The following SPIDR variants were observed in gnomAD, a reference collection of about 807,000 sequenced individuals.
SPIDR encodes the protein scaffold protein involved in DNA repair, also known as DNA repair-scaffolding protein.
Under a neutral mutation model 104.6 loss-of-function variants are expected in SPIDR, and 93 were observed. The observed-to-expected ratio is 0.89, with a 90% CI of 0.75 to 1.06. SPIDR has a LOEUF of 1.06. SPIDR is among the 50% of genes least tolerant of loss of function. The pLI is 0.00. For missense variants in SPIDR, 1,154 were observed against 1,111.2 expected, an observed-to-expected ratio of 1.04 and a Z score of -0.55; for synonymous variants, 431 against 416.9, an observed-to-expected ratio of 1.03 and a Z score of -0.41.
intron 8 of SPIDR, among the ~76,000 whole-genome samples, chr8:47,530,250 T>C (rs979562685): frequency 3.9e-5 from 6 of 152,150 alleles, no homozygotes; most frequent in African/African-American, 1.2e-4. Flanking sequence ...GGCAGATAAC[T>C]TGAGGCCAGG....
At chr8:47,667,535 AG>A (rs1178617020) in intron 10 of SPIDR, among the ~76,000 whole-genome samples, 3 of 151,942 alleles carry the variant, frequency 2.0e-5, no homozygotes, top group African/African-American at 7.3e-5. Context: ...CTTGAGAGAA[AG>A]GCTGCAAACT....
At chr8:47,548,616 C>T (rs539735515) in intron 8 of SPIDR, among the ~76,000 whole-genome samples, 1 of 152,280 alleles carries the variant, frequency 6.6e-6, no homozygotes, top group East Asian at 1.9e-4. Flanking sequence ...CCACTGCACT[C>T]CGGCCTGGGC....
At chr8:47,569,709 A>G (rs1447031160) in intron 8 of SPIDR, among the ~76,000 whole-genome samples, 1 of 152,200 alleles carries the variant, frequency 6.6e-6, no homozygotes, top group Non-Finnish European at 1.5e-5. Context: ...AATTTTCTCT[A>G]TTCACAGATG....
At chr8:47,557,987 T>C (rs1211687766) in intron 8 of SPIDR, among the ~76,000 whole-genome samples, 1 of 152,064 alleles carries the variant, frequency 6.6e-6, no homozygotes, top group Admixed American at 6.6e-5. Context: ...AAAAATGAAA[T>C]CGATGGCCTT....
intron 7 of SPIDR, among the ~76,000 whole-genome samples, chr8:47,429,474 T>C (rs540798378): frequency 1.3e-5 from 2 of 152,370 alleles, no homozygotes; most frequent in East Asian, 3.9e-4. Flanking sequence ...TAATGGTTTG[T>C]TTGTAACTAT....
intron 7 of SPIDR, among the ~76,000 whole-genome samples, chr8:47,431,966 T>A (rs1554689618): frequency 6.6e-6 from 1 of 152,222 alleles, no homozygotes; most frequent in Non-Finnish European, 1.5e-5. Flanking sequence ...GATATTATAA[T>A]CAGGATCTCC....
At chr8:47,278,096 C>CTTTTTTTTTTTT (rs71225674) in intron 1 of SPIDR, among the ~76,000 whole-genome samples, 1 of 137,268 alleles carries the variant, frequency 7.3e-6, no homozygotes, top group Non-Finnish European at 1.6e-5. Flanking sequence ...TTTTCTTTCT[C>CTTTTTTTTTTTT]TTTTTTTTTT....
intron 5 of SPIDR, among the ~76,000 whole-genome samples, chr8:47,327,378 G>A (rs986924727): frequency 6.6e-6 from 1 of 150,810 alleles, no homozygotes; most frequent in African/African-American, 2.4e-5. Flanking sequence ...ATATTCAGTA[G>A]GTGGTTTTTT....
chr8:47,299,062 G>A (rs1375022133), intron 5 of SPIDR, among the ~76,000 whole-genome samples: 7 of 150,886 alleles, frequency 4.6e-5, no homozygotes, highest in Admixed American at 2.6e-4. Flanking sequence ...CCATTTTCAC[G>A]ATATTGACTC....
chr8:47,436,817 CT>C (rs1428273413), intron 7 of SPIDR, among the ~76,000 whole-genome samples: 2 of 152,060 alleles, frequency 1.3e-5, no homozygotes, highest in African/African-American at 4.8e-5. Context: ...GCTTACCCTG[CT>C]TTTTTTTCTC....
rs72295566 is a variant in SPIDR, at chr8:47,582,827, TACACACACACACAC to T, written c.1098-12954_1098-12941del. 4.4e-3 allele frequency among the ~76,000 whole-genome samples: 579 copies of T among 130,264 alleles called. 4 individuals carry two copies. The highest frequency in any genetic ancestry group is 0.013 in the African/African-American group (491 of 36,564). The allele number at this position is 130,264 out of a possible 152,430, so 85.5% of individuals were successfully genotyped here. On this transcript the variant is annotated intron_variant, in intron 8 of 19. Coordinates refer to ENST00000297423, the MANE Select transcript of SPIDR (RefSeq NM_001080394.4). The stretch of plus-strand genomic sequence containing the variant: ...ACTCCATTAAACAACAACAACAAAT[TACACACACACACAC>T]ACACACACACACACACACACACACA...
At chr8:47,337,511 A>G (rs1259138289) in intron 5 of SPIDR, among the ~76,000 whole-genome samples, 2 of 150,780 alleles carry the variant, frequency 1.3e-5, no homozygotes, top group African/African-American at 4.9e-5. Context: ...CAGATGTATG[A>G]TTTGTAAATA....
intron 8 of SPIDR, among the ~76,000 whole-genome samples, chr8:47,519,463 C>G (rs757153071): frequency 7.9e-5 from 12 of 152,092 alleles, no homozygotes; most frequent in Non-Finnish European, 1.3e-4. Context: ...TTCTTTTAAG[C>G]CCCATAACAA....
intron 10 of SPIDR, among the ~76,000 whole-genome samples, chr8:47,664,484 G>T (rs2074604546): frequency 6.6e-6 from 1 of 152,036 alleles, no homozygotes; most frequent in African/African-American, 2.4e-5. Flanking sequence ...TCAATAAAAA[G>T]ATACAAACTA....
intron 5 of SPIDR, among the ~76,000 whole-genome samples, chr8:47,335,630 T>C (rs1357886941): frequency 2.0e-5 from 3 of 152,192 alleles, no homozygotes; most frequent in Non-Finnish European, 2.9e-5. Context: ...TTTATATTTT[T>C]AGTAAAGACG....
At chr8:47,717,498 A>G (rs907521617) in intron 16 of SPIDR, among the ~76,000 whole-genome samples, 5 of 152,222 alleles carry the variant, frequency 3.3e-5, no homozygotes, top group Admixed American at 3.3e-4. Context: ...TCCCTAACCC[A>G]TTCCTAACTA....
intron 5 of SPIDR, among the ~76,000 whole-genome samples, chr8:47,349,122 C>A (rs544496920): frequency 6.6e-6 from 1 of 152,194 alleles, no homozygotes; most frequent in South Asian, 2.1e-4. Flanking sequence ...TGGTGACCTA[C>A]AGATGGGGTT....
Position 47,407,943 on chromosome 8 carries a change from T to TA in SPIDR, c.860dup (p.Tyr287Ter). 1 of 1,587,226 alleles carries TA rather than the reference T, an allele frequency of 6.3e-7. No individual in the cohort carries two copies. Among genetic ancestry groups the TA allele is most frequent in the Non-Finnish European group, 8.6e-7 (1 of 1,163,308 alleles). The part of the protein sequence containing the change: ...ISLWRHQCIS[Y>*]QKTLSGRKSG... ...TTTGTGGAGACATCAATGTATTTCT[T>TA]ACCAAAAGACACTTTCAGGTAAGGC... Residue 287 changes from tyrosine to a stop codon, truncating the protein, a stop_gained and frameshift_variant, in exon 7 of 20, where the codon TAC (tyrosine) becomes TAAC (stop). Transcript: ENST00000297423. LOFTEE classifies it high-confidence loss of function.
At chr8:47,321,900 A>G (rs1487580017) in intron 5 of SPIDR, among the ~76,000 whole-genome samples, 2 of 152,222 alleles carry the variant, frequency 1.3e-5, no homozygotes, top group Non-Finnish European at 2.9e-5. Context: ...ATATGTAGAA[A>G]AGTGAAACTG....
Sources: gnomAD v4.1 joint callset for allele counts (sites outside exome capture counted in the v4.1 genomes callset) on GRCh38, gnomAD v4.1.1 for gene constraint, MANE v1.5 for transcripts, NCBI Gene and HGNC (gene_info 2026-07-23, HGNC 2026-07-21) for gene names.